The following ERAP1 variants were observed in gnomAD, a reference collection of about 807,000 sequenced individuals.
The protein encoded by ERAP1 is endoplasmic reticulum aminopeptidase 1.
Under a neutral mutation model 103.7 loss-of-function variants are expected in ERAP1, and 86 were observed. The ratio of observed to expected loss-of-function variants is 0.83; its 90% CI spans 0.70 to 0.99. The LOEUF is 0.99. Ranked by LOEUF, ERAP1 falls within the 50% of genes least tolerant of loss-of-function variation. The pLI, the probability that ERAP1 is intolerant of heterozygous loss-of-function variation, is 0.00. For missense variants in ERAP1, 1,009 were observed against 1,128.4 expected (o/e 0.89, Z 1.52); for synonymous variants, 398 against 402.4 (o/e 0.99, Z 0.13).
At chr5:96,912,651 T>C in the ERAP1 span, 1 of 1,609,134 alleles carries the variant, frequency 6.2e-7, no homozygotes, top group East Asian at 2.2e-5. Context: ...CCAACAGATG[T>C]TTTAAAGATT....
the ERAP1 span, among the ~76,000 whole-genome samples, chr5:96,838,433 T>C: frequency 2.6e-5 from 4 of 152,214 alleles, no homozygotes; most frequent in African/African-American, 9.7e-5. Context: ...CCCCAGTTTT[T>C]GATAACATGG....
At chr5:96,848,744 A>G in the ERAP1 span, 1 of 152,182 alleles carries the variant, frequency 6.6e-6, no homozygotes, top group South Asian at 2.1e-4. Context: ...AACTCTTCCA[A>G]AGAATTTAAA....
At chr5:96,904,938 T>C in the ERAP1 span, among the ~76,000 whole-genome samples, 2 of 152,198 alleles carry the variant, frequency 1.3e-5, no homozygotes, top group African/African-American at 4.8e-5. Context: ...AGATTTCAGG[T>C]ATTACCTCTT....
intron 3 of ERAP1, among the ~76,000 whole-genome samples, chr5:96,799,869 C>T (rs1359605809): frequency 2.0e-5 from 3 of 152,194 alleles, no homozygotes; most frequent in Non-Finnish European, 4.4e-5. Context: ...GGATAGCCCT[C>T]TGGCGTGGGG....
chr5:96,776,157 G>A lies in ERAP1; in HGVS notation c.*239C>T. 9 of 1,495,720 alleles carry A rather than the reference G, an allele frequency of 6.0e-6. No individual in the cohort carries two copies. Among genetic ancestry groups the A allele is most frequent in the Non-Finnish European group, 8.0e-6 (9 of 1,121,176 alleles). The allele number at this position is 1,495,720 out of a possible 1,614,324, so 92.7% of individuals were successfully genotyped here. On this transcript the variant is annotated 3_prime_UTR_variant, in exon 19 of 19. Coordinates refer to ENST00000443439, the MANE Select transcript of ERAP1 (RefSeq NM_001040458.3). ...TAAGGTACTTTATTCTTCTGTGGCA[G>A]GGAACCCAACACTTGGGTTTACGTT...
the ERAP1 span, chr5:96,889,288 A>C: frequency 6.2e-7 from 1 of 1,613,996 alleles, no homozygotes; most frequent in East Asian, 2.2e-5. Flanking sequence ...GATATCTACT[A>C]TCCACTCTCC....
At chr5:96,890,883 C>T in the ERAP1 span, among the ~76,000 whole-genome samples, 2 of 152,084 alleles carry the variant, frequency 1.3e-5, no homozygotes, top group African/African-American at 4.8e-5. Flanking sequence ...TTAATAACAG[C>T]CATCAACAAT....
At chr5:96,866,580 CTT>C in the ERAP1 span, among the ~76,000 whole-genome samples, 5 of 152,150 alleles carry the variant, frequency 3.3e-5, no homozygotes, top group Non-Finnish European at 7.3e-5. Flanking sequence ...GGTGCAGTTG[CTT>C]TAGTAATAGC....
At chr5:96,806,554 C>T (rs1011954297) in intron 1 of ERAP1, among the ~76,000 whole-genome samples, 2 of 151,606 alleles carry the variant, frequency 1.3e-5, no homozygotes, top group Non-Finnish European at 2.9e-5. Flanking sequence ...GTTCACACAA[C>T]TTGTTGGAAT....
chr5:96,883,496 C>T, the ERAP1 span, among the ~76,000 whole-genome samples: 4 of 152,164 alleles, frequency 2.6e-5, no homozygotes, highest in South Asian at 2.1e-4. Context: ...TTACTGGCTG[C>T]GGATCCTGCT....
At chr5:96,771,597 T>C (rs748061014), downstream of ERAP1, 8 of 1,534,456 alleles carry the variant, frequency 5.2e-6, 1 homozygote, top group South Asian at 8.0e-5. Flanking sequence ...CTCCTCATAC[T>C]TAATACAGAA....
chr5:96,807,378 T>C (rs1443041451), intron 1 of ERAP1, among the ~76,000 whole-genome samples: 1 of 152,200 alleles, frequency 6.6e-6, no homozygotes, highest in Non-Finnish European at 1.5e-5. Flanking sequence ...CTAGCAGCTA[T>C]GGGCAGGTGC....
At chr5:96,763,160 A>G (rs763278676) in exon 20 of ERAP1, 2 of 780,434 alleles carry the variant, frequency 2.6e-6, no homozygotes, top group African/African-American at 1.7e-5. Flanking sequence ...TGTAGCATCA[A>G]AGCATATTTA....
chr5:96,931,733 G>C, the ERAP1 span, among the ~76,000 whole-genome samples: 1 of 152,208 alleles, frequency 6.6e-6, no homozygotes, highest in Non-Finnish European at 1.5e-5. Flanking sequence ...TCTCAAGAAA[G>C]AGACACGGAA....
chr5:96,774,848 G>T lies in ERAP1; in HGVS notation c.*1548C>A, dbSNP rs770759585. The T allele has an allele frequency of 1.6e-4, 157 of 985,238 alleles. No homozygotes were observed. The highest frequency in any genetic ancestry group is 1.9e-4 in the Non-Finnish European group (154 of 829,796). The allele number at this position is 985,238 out of a possible 1,614,324, so 61.0% of individuals were successfully genotyped here. ...TGTTGTAGTGAATGGTTTAATAAAT[G>T]GCAGATTTATGTCCAGAAGTCACTC... On this transcript the variant is annotated 3_prime_UTR_variant, in exon 19 of 19. Transcript: ENST00000443439.
At chr5:96,762,419 C>T (rs1369340245) in exon 20 of ERAP1, 1 of 1,375,386 alleles carries the variant, frequency 7.3e-7, no homozygotes, top group Non-Finnish European at 9.9e-7. Flanking sequence ...TGCGCAGCCA[C>T]AACTAGAAAG....
chr5:96,897,193 A>C, the ERAP1 span, among the ~76,000 whole-genome samples: 1 of 152,330 alleles, frequency 6.6e-6, no homozygotes, highest in Admixed American at 6.5e-5. Flanking sequence ...GGCAAATTTT[A>C]AGGTTGTCAA....
At chr5:96,869,252 T>C in the ERAP1 span, among the ~76,000 whole-genome samples, 1 of 152,080 alleles carries the variant, frequency 6.6e-6, no homozygotes, top group Non-Finnish European at 1.5e-5. Flanking sequence ...AAACTGTACA[T>C]CATGGCCTGA....
intron 18 of ERAP1, among the ~76,000 whole-genome samples, chr5:96,778,233 T>C (rs1774638576): frequency 6.6e-6 from 1 of 152,208 alleles, no homozygotes; most frequent in African/African-American, 2.4e-5. Context: ...TCATGGAGCT[T>C]ACAGTCTTTT....
Sources: allele counts gnomAD v4.1 joint callset (sites outside exome capture counted in the v4.1 genomes callset), GRCh38; gene constraint gnomAD v4.1.1; transcripts MANE v1.5; gene names NCBI Gene and HGNC (gene_info 2026-07-23, HGNC 2026-07-21).